Variants in CTNNA3 observed in about 807,000 individuals in gnomAD.
CTNNA3 encodes catenin alpha-3.
CTNNA3 carries 76 observed loss-of-function variants against 95.7 expected under a neutral mutation model. The ratio of observed to expected loss-of-function variants is 0.79; its 90% CI spans 0.66 to 0.96. The LOEUF is 0.96. Among genes scored for constraint, CTNNA3 ranks in the 40% least tolerant of loss-of-function variants. The pLI, the probability that CTNNA3 is intolerant of heterozygous loss-of-function variation, is 0.00. For missense variants in CTNNA3, 1,191 were observed against 1,089.8 expected, an observed-to-expected ratio of 1.09 and a Z score of -1.31; for synonymous variants, 431 against 374.4, an observed-to-expected ratio of 1.15 and a Z score of -1.74.
At chr10:67,186,968 T>C (rs190463031) in intron 6 of CTNNA3, among the ~76,000 whole-genome samples, 3 of 152,316 alleles carry the variant, frequency 2.0e-5, no homozygotes, top group Non-Finnish European at 4.4e-5. Context: ...TGGGTTTGAA[T>C]CCTGGCGCAT....
At chr10:67,050,899 C>T (rs1420033475) in intron 7 of CTNNA3, among the ~76,000 whole-genome samples, 2 of 152,096 alleles carry the variant, frequency 1.3e-5, no homozygotes, top group African/African-American at 2.4e-5. Context: ...ACAAATGATT[C>T]TTTATTTGCC....
chr10:66,660,978 C>T (rs1034447875), intron 9 of CTNNA3, among the ~76,000 whole-genome samples: 4 of 152,158 alleles, frequency 2.6e-5, no homozygotes, highest in South Asian at 2.1e-4. Flanking sequence ...TTAATGAGTT[C>T]TTAGTGTGTT....
At chr10:66,101,475 T>TG (rs2133737475) in intron 14 of CTNNA3, among the ~76,000 whole-genome samples, 1 of 152,304 alleles carries the variant, frequency 6.6e-6, no homozygotes, top group Admixed American at 6.5e-5. Flanking sequence ...TTTTCTTGGC[T>TG]GATATATATT....
intron 5 of CTNNA3, among the ~76,000 whole-genome samples, chr10:67,318,509 GAACA>G (rs1276129791): frequency 1.3e-5 from 2 of 152,206 alleles, no homozygotes; most frequent in Middle Eastern, 3.4e-3. Context: ...ATAAACCAAA[GAACA>G]AACAATGTTC....
intron 5 of CTNNA3, among the ~76,000 whole-genome samples, chr10:67,329,567 A>G (rs1264605304): frequency 2.0e-5 from 3 of 152,236 alleles, no homozygotes; most frequent in Non-Finnish European, 2.9e-5. Flanking sequence ...TTACATTTAC[A>G]GCATGATTTT....
At chr10:66,754,606 G>A (rs946887006) in intron 9 of CTNNA3, among the ~76,000 whole-genome samples, 7 of 151,980 alleles carry the variant, frequency 4.6e-5, no homozygotes, top group African/African-American at 1.5e-4. Context: ...AAAATTTTGC[G>A]AATCATATAT....
Position 67,726,414 on chromosome 10 carries a change from T to TG in CTNNA3, c.-2+37019_-2+37020insC, listed in dbSNP as rs1564841099. Among the ~76,000 whole-genome samples, 134 of 59,054 alleles carry TG rather than the reference T, an allele frequency of 2.3e-3. 2 individuals carry two copies. The highest frequency in any genetic ancestry group is 0.014 in the African/African-American group (116 of 8,128). 38.7% of individuals were successfully genotyped at this position (59,054 alleles called of 152,430 possible). ...TATATATTATATATTATATCATATATAATATTATATATTATATCATATATA... is the reference window on the plus strand; with the variant it reads ...TATATATTATATATTATATCATATATGAATATTATATATTATATCATATATA... On this transcript the variant is annotated intron_variant, in intron 1 of 17. Coordinates refer to the CTNNA3 transcript ENST00000684154.
intron 10 of CTNNA3, among the ~76,000 whole-genome samples, chr10:66,553,710 G>A (rs958576087): frequency 6.6e-6 from 1 of 151,110 alleles, no homozygotes; most frequent in African/African-American, 2.4e-5. Context: ...TGTATTTTTA[G>A]TAGAGACAGG....
chr10:66,078,785 A>T (rs898739479), intron 14 of CTNNA3, among the ~76,000 whole-genome samples: 1 of 151,900 alleles, frequency 6.6e-6, no homozygotes, highest in African/African-American at 2.4e-5. Flanking sequence ...GCCAAAACTG[A>T]CAATATAGAA....
At chr10:66,202,959 C>G (rs776179077) in intron 13 of CTNNA3, among the ~76,000 whole-genome samples, 1 of 152,164 alleles carries the variant, frequency 6.6e-6, no homozygotes, top group Admixed American at 6.6e-5. Flanking sequence ...GTGTGGGGTT[C>G]TTTTCACACT....
chr10:66,749,003 C>T (rs1339616614), intron 9 of CTNNA3, among the ~76,000 whole-genome samples: 1 of 147,628 alleles, frequency 6.8e-6, no homozygotes, highest in African/African-American at 2.6e-5. Flanking sequence ...GAAACCCCAT[C>T]TCTTCCAAAA....
chr10:67,262,368 C>A (rs529191463), intron 5 of CTNNA3, among the ~76,000 whole-genome samples: 23 of 152,242 alleles, frequency 1.5e-4, no homozygotes, highest in African/African-American at 5.5e-4. Flanking sequence ...AGCAGAACAT[C>A]CACGCAAGAG....
At chr10:66,396,065 C>T (rs2092974050) in intron 11 of CTNNA3, among the ~76,000 whole-genome samples, 1 of 151,938 alleles carries the variant, frequency 6.6e-6, no homozygotes, top group Non-Finnish European at 1.5e-5. Flanking sequence ...AGTTATTTCA[C>T]TTAGATTAAT....
intron 1 of CTNNA3, among the ~76,000 whole-genome samples, chr10:67,709,692 G>T (rs1353871260): frequency 6.6e-6 from 1 of 151,340 alleles, no homozygotes; most frequent in African/African-American, 2.4e-5. Flanking sequence ...GATCACCTTG[G>T]CCTGTCTTCA....
intron 7 of CTNNA3, among the ~76,000 whole-genome samples, chr10:67,065,598 A>T (rs1035527517): frequency 6.6e-6 from 1 of 152,128 alleles, no homozygotes; most frequent in African/African-American, 2.4e-5. Flanking sequence ...GCATTCTAAC[A>T]TGAAGGAAGT....
chr10:67,499,566 C>T (rs1224634568), intron 5 of CTNNA3, among the ~76,000 whole-genome samples: 4 of 152,030 alleles, frequency 2.6e-5, no homozygotes, highest in Non-Finnish European at 4.4e-5. Context: ...TGGTCCTGGG[C>T]TTTTTTTGGT....
chr10:67,626,462 T>C (rs1017622271), intron 2 of CTNNA3, among the ~76,000 whole-genome samples: 1 of 152,126 alleles, frequency 6.6e-6, no homozygotes, highest in Admixed American at 6.5e-5. Context: ...TTACCTTTGG[T>C]TTAAAAGAAA....
At chr10:67,737,267 T>A (rs1025747896) in intron 1 of CTNNA3, among the ~76,000 whole-genome samples, 3 of 151,820 alleles carry the variant, frequency 2.0e-5, no homozygotes, top group South Asian at 2.1e-4. Flanking sequence ...AATGAATAAA[T>A]TAAGAAAGAA....
At chr10:66,547,825 C>T (rs1262383040) in intron 10 of CTNNA3, among the ~76,000 whole-genome samples, 5 of 151,970 alleles carry the variant, frequency 3.3e-5, no homozygotes, top group East Asian at 1.9e-4. Flanking sequence ...ATATAGATTT[C>T]GGTCTTCACA....
Sources: gnomAD v4.1 joint callset for allele counts (sites outside exome capture counted in the v4.1 genomes callset) on GRCh38, gnomAD v4.1.1 for gene constraint, MANE v1.5 for transcripts, NCBI Gene and HGNC (gene_info 2026-07-23, HGNC 2026-07-21) for gene names.